Variants in MAL2 observed in about 807,000 individuals in gnomAD.
MAL2 encodes protein MAL2.
In MAL2, 17 loss-of-function variants were observed where a neutral mutation model predicts 18.1. The ratio of observed to expected loss-of-function variants is 0.94; its 90% CI spans 0.64 to 1.41. The LOEUF (loss-of-function observed/expected upper bound fraction) is 1.41, where lower values mean the gene tolerates loss of function less well. Ranked by LOEUF, MAL2 falls within the 40% of genes most tolerant of loss-of-function variation. The pLI, the probability that MAL2 is intolerant of heterozygous loss-of-function variation, is 0.00. For missense variants in MAL2, 222 were observed against 231.9 expected, an observed-to-expected ratio of 0.96 and a Z score of 0.28; for synonymous variants, 102 against 102.3, an observed-to-expected ratio of 1.00 and a Z score of 0.02.
chr8:119,216,164 A>T (rs898563474), intron 1 of MAL2, among the ~76,000 whole-genome samples: 1 of 152,134 alleles, frequency 6.6e-6, no homozygotes, highest in African/African-American at 2.4e-5. Context: ...CCCCTTTGTG[A>T]TTCTGATGAA....
rs191036047 is a variant in MAL2, at chr8:119,220,770, A to G, written c.133-817A>G. ...CTTTGGATTGTTGCTTCTAGGAAGT[A>G]TTTTCAAATCTGGATTTATAGCCCT... On this transcript the variant is annotated intron_variant, in intron 1 of 3. Transcript: ENST00000614891. Among the ~76,000 whole-genome samples, 6 of 152,246 alleles carry G rather than the reference A, an allele frequency of 3.9e-5. No individual in the cohort carries two copies. In the East Asian group the frequency reaches 9.7e-4, roughly 25 times the overall value.
At position 119,208,495 on chromosome 8, in the gene MAL2, T is replaced by C; in HGVS notation, c.23T>C (p.Val8Ala). ...AGCATGTCGGCCGGCGGAGCGTCAG[T>C]CCCGCCGCCCCCGAACCCCGCCGTG... MSAGGAS[V>A]PPPPNPAVSF... is the part of the protein sequence containing the mutation. Residue 8 changes from valine (V) to alanine (A), a missense_variant, in exon 1 of 4, where the codon GTC (valine) becomes GCC (alanine). Physicochemically the swap from Val to Ala is moderately conservative, Grantham distance 64 (BLOSUM62 0). Transcript: ENST00000614891. The surrounding 1 kb of genome is among the most constrained non-coding windows in gnomAD (Gnocchi z 4.3). 7.7e-7 allele frequency: 1 copy of C among 1,301,324 alleles called. No individual in the cohort carries two copies. Among genetic ancestry groups the C allele is most frequent in the Non-Finnish European group, 9.8e-7 (1 of 1,023,674 alleles). 80.6% of individuals were successfully genotyped at this position (1,301,324 alleles called of 1,614,324 possible). A position where few individuals can be genotyped will look rare whatever the true frequency, so the allele number is the denominator to read the frequency against.
chr8:119,240,815 G>A (rs1261025399), intron 3 of MAL2, among the ~76,000 whole-genome samples: 12 of 152,152 alleles, frequency 7.9e-5, no homozygotes, highest in Non-Finnish European at 1.6e-4. Context: ...GTGAGAAAGG[G>A]AGGCAAATAT....
rs750831142 is a variant in MAL2 at position 119,221,587 on chromosome 8, C to G, written c.133C>G (p.Leu45Val). The change falls in exon 2 of 4, where the codon CTG becomes GTG. Residue 45 changes from leucine (L) to valine (V), a missense_variant and splice_region_variant. Transcript: ENST00000614891. ...YSGAFVCLEI[L>V]FGGLVWILVA... ...CAATTACCCTCTTTTTCTCTTTCAG[C>G]TGTTCGGGGGTCTTGTCTGGATTTT... 3 of 1,612,992 alleles carry G rather than the reference C, an allele frequency of 1.9e-6. No individual in the cohort carries two copies. Among genetic ancestry groups the G allele is most frequent in the Non-Finnish European group, 2.5e-6 (3 of 1,179,562 alleles).
intron 1 of MAL2, 107 bp from the exon 2 acceptor site, chr8:119,221,480 T>C: frequency 7.4e-7 from 1 of 1,359,968 alleles, no homozygotes; most frequent in Middle Eastern, 1.9e-4. Context: ...TGTGCAGGGG[T>C]CTGGGAGGAA....
At chr8:119,228,043 C>T (rs541660347) in intron 2 of MAL2, among the ~76,000 whole-genome samples, 1 of 152,236 alleles carries the variant, frequency 6.6e-6, no homozygotes, top group East Asian at 1.9e-4. Context: ...CCAAGAAGAC[C>T]TCAAGTAGAT....
At chr8:119,224,838 G>A (rs1418716589) in intron 2 of MAL2, among the ~76,000 whole-genome samples, 2 of 152,050 alleles carry the variant, frequency 1.3e-5, no homozygotes, top group East Asian at 1.9e-4. Flanking sequence ...TTAGAATAAC[G>A]GCCTCCAGCT....
chr8:119,231,461 C>A (rs11996164), intron 2 of MAL2, among the ~76,000 whole-genome samples: 2,179 of 152,218 alleles, frequency 0.014, 60 homozygotes, highest in African/African-American at 0.051. Context: ...TAGGAAAGAA[C>A]GTAGACTTCA....
intron 3 of MAL2, 142 bp from the exon 4 acceptor site, chr8:119,243,275 A>AG (rs975627517): frequency 1.6e-5 from 9 of 572,912 alleles, no homozygotes; most frequent in Non-Finnish European, 2.3e-5. Flanking sequence ...TCAAAAAAAA[A>AG]AAAACAATGT....
At position 119,237,244 on chromosome 8, in the gene MAL2, G is replaced by C. The variant is rs1311943938; in HGVS notation, c.304-2921G>C. Among the ~76,000 whole-genome samples, 210 of 150,956 alleles carry C rather than the reference G, an allele frequency of 1.4e-3. 1 individual carries two copies. The highest frequency in any genetic ancestry group is 4.8e-3 in the African/African-American group (198 of 40,926). On this transcript the variant is annotated intron_variant, in intron 2 of 3. Transcript: ENST00000614891. The stretch of plus-strand genomic sequence containing the variant: ...TCTCCCAAGACTAAACCAGGAAGAA[G>C]TTGAATCTCTGAATAGACCAATAAC...
chr8:119,228,420 C>G (rs961406881), intron 2 of MAL2, among the ~76,000 whole-genome samples: 4 of 152,142 alleles, frequency 2.6e-5, no homozygotes, highest in Non-Finnish European at 4.4e-5. Context: ...GCTTTTACCC[C>G]TAAGTTTCCA....
chr8:119,231,589 C>T (rs866737906), intron 2 of MAL2, among the ~76,000 whole-genome samples: 3 of 152,138 alleles, frequency 2.0e-5, no homozygotes, highest in South Asian at 2.1e-4. Context: ...AGCAATCCCA[C>T]GCCTGGGTAT....
In MAL2 at chr8:119,208,443, G is replaced by C. The variant is rs2129759301; in HGVS notation, c.-30G>C. 1 of 1,160,690 alleles carries C rather than the reference G, an allele frequency of 8.6e-7. No homozygotes were observed. Among genetic ancestry groups the C allele is most frequent in the Non-Finnish European group, 1.1e-6 (1 of 940,140 alleles). The allele number at this position is 1,160,690 out of a possible 1,614,324, so 71.9% of individuals were successfully genotyped here. Reference sequence around the variant, plus strand: ...GGCGGAGGCGGGAGGCGGCGGCGGCGCGCGGAGACGCAGCAGCGGCAGCGG... The same window carrying C: ...GGCGGAGGCGGGAGGCGGCGGCGGCCCGCGGAGACGCAGCAGCGGCAGCGG... On this transcript the variant is annotated 5_prime_UTR_variant, in exon 1 of 4. Transcript: ENST00000614891. This position sits in a 1 kb window ranked among gnomAD's most constrained non-coding sequence, Gnocchi z 4.3.
chr8:119,230,082 G>A (rs1304870370), intron 2 of MAL2, among the ~76,000 whole-genome samples: 19 of 152,138 alleles, frequency 1.2e-4, no homozygotes, highest in Admixed American at 1.2e-3. Context: ...CTGGCCACTG[G>A]TGTCAAGTGT....
intron 2 of MAL2, among the ~76,000 whole-genome samples, chr8:119,235,611 C>T (rs199944430): frequency 6.6e-6 from 1 of 151,882 alleles, no homozygotes; most frequent in East Asian, 1.9e-4. Context: ...TGGCAGAAAC[C>T]CTACAAGCCA....
intron 2 of MAL2, among the ~76,000 whole-genome samples, chr8:119,232,112 A>G (rs1383671539): frequency 6.6e-6 from 1 of 151,996 alleles, no homozygotes; most frequent in African/African-American, 2.4e-5. Context: ...ATTTTTTTAT[A>G]TATTTATGTA....
In MAL2 at chr8:119,244,854, G is replaced by T. The variant is rs2129941263; in HGVS notation, c.*1366G>T. ...GGAAAGGTGCCAAACTGTTTTGAAT[G>T]GAAGGACAAGTAAGAGTGAGGCCAC... On this transcript the variant is annotated 3_prime_UTR_variant, in exon 4 of 4. Coordinates refer to ENST00000614891, the MANE Select transcript of MAL2 (RefSeq NM_052886.3). 1 of 152,720 alleles carries T rather than the reference G, an allele frequency of 6.5e-6. No individual in the cohort carries two copies. The highest frequency in any genetic ancestry group is 1.5e-5 in the Non-Finnish European group (1 of 68,020). 9.5% of individuals were successfully genotyped at this position (152,720 alleles called of 1,614,324 possible).
Position 119,231,351 on chromosome 8 carries a change from A to G in MAL2, c.304-8814A>G, listed in dbSNP as rs1817724602. On this transcript the variant is annotated intron_variant, in intron 2 of 3. Transcript: ENST00000614891. ...CCAGCCAGATATGAGAACAATTTCT[A>G]TAAACAGTATGATTTGCTGTATGGG... Among the ~76,000 whole-genome samples, 5 of 152,336 alleles carry G rather than the reference A, an allele frequency of 3.3e-5. No individual in the cohort carries two copies. The South Asian group carries it at 1.0e-3, about 32-fold the overall frequency.
At chr8:119,225,837 T>C (rs934460435) in intron 2 of MAL2, among the ~76,000 whole-genome samples, 1 of 152,234 alleles carries the variant, frequency 6.6e-6, no homozygotes, top group African/African-American at 2.4e-5. Context: ...TGGTATCTCA[T>C]TGTGGTTTTG....
Sources: allele counts gnomAD v4.1 joint callset (sites outside exome capture counted in the v4.1 genomes callset), GRCh38; gene constraint gnomAD v4.1.1; non-coding constraint Gnocchi (gnomAD v3.1); transcripts MANE v1.5; gene names NCBI Gene and HGNC (gene_info 2026-07-23, HGNC 2026-07-21).